Variants in JPT1 observed in about 807,000 individuals in gnomAD.
JPT1 encodes Jupiter microtubule associated homolog 1, also known as androgen-regulated protein 2.
In JPT1, 5 loss-of-function variants were observed where a neutral mutation model predicts 17.0. That is an observed-to-expected ratio of 0.29 (90% CI 0.15 to 0.62). The LOEUF (loss-of-function observed/expected upper bound fraction) is 0.62, where lower values mean the gene tolerates loss of function less well. Among genes scored for constraint, JPT1 ranks in the 20% least tolerant of loss-of-function variants. The pLI, the probability that JPT1 is intolerant of heterozygous loss-of-function variation, is 0.85. For synonymous variants in JPT1, 71 were observed against 73.6 expected, an observed-to-expected ratio of 0.96 and a Z score of 0.18; for missense variants, 158 against 188.1, an observed-to-expected ratio of 0.84 and a Z score of 0.94.
chr17:75,148,783 CT>C, intron 1 of JPT1, 112 bp from the exon 2 acceptor site: 1 of 1,232,312 alleles, frequency 8.1e-7, no homozygotes, highest in Non-Finnish European at 1.1e-6. Context: ...TCCCTCACCC[CT>C]ACAACAGATA....
In JPT1 at chr17:75,135,713, T is replaced by A; in HGVS notation, c.*389A>T. 2 of 246,592 alleles carry A rather than the reference T, an allele frequency of 8.1e-6. No homozygotes were observed. Among genetic ancestry groups the A allele is most frequent in the South Asian group, 2.5e-4 (2 of 7,948 alleles). The allele number at this position is 246,592 out of a possible 1,614,324, so 15.3% of individuals were successfully genotyped here. On this transcript the variant is annotated 3_prime_UTR_variant, in exon 5 of 5. Transcript: ENST00000409753. Reference sequence around the variant, plus strand: ...GCTCTGCGGAGAGACTCCCTGTGGGTTGGGGCCTGGCAGGAACGGTGCCTG... The same window carrying A: ...GCTCTGCGGAGAGACTCCCTGTGGGATGGGGCCTGGCAGGAACGGTGCCTG...
Position 75,136,190 on chromosome 17 carries a change from G to A in JPT1, c.377C>T (p.Ala126Val), listed in dbSNP as rs753254509. Residue 126 changes from alanine (A) to valine (V), a missense_variant, in exon 5 of 5, where the codon GCT becomes GTT. Ala to Val is a moderately conservative substitution (Grantham distance 64). Coordinates refer to ENST00000409753, the MANE Select transcript of JPT1 (RefSeq NM_016185.4). ...LGQSEEKPVP[A>V]APVPSPVAPA... Reference sequence around the variant, plus strand: ...GGCCACCGGGCTGGGCACAGGCGCAGCAGGCACGGGCTTCTCTTCACTCTG... The same window carrying A: ...GGCCACCGGGCTGGGCACAGGCGCAACAGGCACGGGCTTCTCTTCACTCTG... 49 of 1,613,626 alleles carry A rather than the reference G, an allele frequency of 3.0e-5. No homozygotes were observed. Among genetic ancestry groups the A allele is most frequent in the Non-Finnish European group, 4.1e-5 (48 of 1,179,780 alleles).
Position 75,136,008 on chromosome 17 carries a change from A to G in JPT1, c.*94T>C. 6 of 1,609,118 alleles carry G rather than the reference A, an allele frequency of 3.7e-6. No homozygotes were observed. The highest frequency in any genetic ancestry group is 5.1e-6 in the Non-Finnish European group (6 of 1,177,534). Reference sequence around the variant, plus strand: ...GTACATAAAGTGCTTCTTTTTAATGAAACAAATCCAAGAGATGTACAGTCA... The same window carrying G: ...GTACATAAAGTGCTTCTTTTTAATGGAACAAATCCAAGAGATGTACAGTCA... On this transcript the variant is annotated 3_prime_UTR_variant, in exon 5 of 5. Coordinates refer to ENST00000409753, the MANE Select transcript of JPT1 (RefSeq NM_016185.4).
intron 2 of JPT1, among the ~76,000 whole-genome samples, chr17:75,148,254 G>C (rs1192846976): frequency 1.3e-5 from 2 of 152,016 alleles, no homozygotes; most frequent in Non-Finnish European, 2.9e-5. Context: ...TTTTTCTTTT[G>C]TTTGTTTTTG....
At chr17:75,140,054 A>AT (rs2145164295) in intron 4 of JPT1, among the ~76,000 whole-genome samples, 1 of 152,128 alleles carries the variant, frequency 6.6e-6, no homozygotes, top group African/African-American at 2.4e-5. Context: ...AGTAGCTGGG[A>AT]TTACAGGCGC....
intron 1 of JPT1, among the ~76,000 whole-genome samples, chr17:75,149,508 CA>C (rs1381936231): frequency 6.6e-6 from 1 of 152,116 alleles, no homozygotes; most frequent in Non-Finnish European, 1.5e-5. Flanking sequence ...GCTGGGACTA[CA>C]GGCGCCCGCC....
At chr17:75,140,260 G>C (rs2074282784) in intron 4 of JPT1, among the ~76,000 whole-genome samples, 3 of 150,942 alleles carry the variant, frequency 2.0e-5, no homozygotes, top group Admixed American at 2.0e-4. Flanking sequence ...GAAAGCTTTT[G>C]TCTGCTGAAG....
At chr17:75,150,518 C>T (rs977295835) in intron 1 of JPT1, among the ~76,000 whole-genome samples, 3 of 152,098 alleles carry the variant, frequency 2.0e-5, no homozygotes, top group African/African-American at 4.8e-5. Flanking sequence ...TCCCAAAGTG[C>T]TGGGATTACA....
intron 1 of JPT1, among the ~76,000 whole-genome samples, chr17:75,151,799 G>C (rs983756895): frequency 6.6e-6 from 1 of 151,692 alleles, no homozygotes; most frequent in South Asian, 2.1e-4. Flanking sequence ...GAGAAAACCC[G>C]TCTCTACTAA....
intron 2 of JPT1, chr17:75,147,998 T>A (rs2074474208): frequency 4.1e-6 from 1 of 246,780 alleles, no homozygotes; most frequent in Admixed American, 4.9e-5. Context: ...AGAATGAGAC[T>A]CTTATCTCAA....
chr17:75,146,715 TC>T, intron 3 of JPT1, 31 bp from the exon 4 acceptor site: 1 of 1,412,872 alleles, frequency 7.1e-7, no homozygotes, highest in East Asian at 2.5e-5. Flanking sequence ...AAAATTTACT[TC>T]CTATTTTAAT....
At chr17:75,142,728 G>C (rs1435656919) in intron 4 of JPT1, 7 of 454,944 alleles carry the variant, frequency 1.5e-5, no homozygotes, top group Non-Finnish European at 2.2e-5. Context: ...AAGAAGGAAG[G>C]AAGCAAGAAG....
chr17:75,142,348 T>C (rs2074330240), intron 4 of JPT1, among the ~76,000 whole-genome samples: 1 of 150,944 alleles, frequency 6.6e-6, no homozygotes, highest in Admixed American at 6.6e-5. Flanking sequence ...TCACCTGAGG[T>C]CAGGAGTTCA....
intron 1 of JPT1, among the ~76,000 whole-genome samples, chr17:75,152,334 G>C (rs1165888537): frequency 2.6e-5 from 4 of 152,110 alleles, no homozygotes; most frequent in Admixed American, 2.0e-4. Flanking sequence ...TTAAAATCCT[G>C]AAGTTTCTGT....
intron 4 of JPT1, among the ~76,000 whole-genome samples, chr17:75,136,612 C>T (rs2074203334): frequency 6.6e-6 from 1 of 152,126 alleles, no homozygotes; most frequent in African/African-American, 2.4e-5. Flanking sequence ...CTGCCTCAGC[C>T]TCTCTAGTAG....
At position 75,136,159 on chromosome 17, in the gene JPT1, G is replaced by C. The variant is rs369478139; in HGVS notation, c.408C>G (p.Ala136=). 1 of 1,614,056 alleles carries C rather than the reference G, an allele frequency of 6.2e-7. No homozygotes were observed. The highest frequency in any genetic ancestry group is 1.3e-5 in the African/African-American group (1 of 74,930). Residue 136 remains alanine, a synonymous_variant, in exon 5 of 5, where the codon GCC becomes GCG. Transcript: ENST00000409753. Reference sequence around the variant, plus strand: ...GGGGATTTCTTCTGGATGGCACTGGGGCCGGGGCCACCGGGCTGGGCACAG... The same window carrying C: ...GGGGATTTCTTCTGGATGGCACTGGCGCCGGGGCCACCGGGCTGGGCACAG... ...AAPVPSPVAP[A]PVPSRRNPPG... is the part of the protein sequence containing the mutation.
At chr17:75,142,425 T>C (rs1452136175) in intron 4 of JPT1, among the ~76,000 whole-genome samples, 2 of 150,154 alleles carry the variant, frequency 1.3e-5, no homozygotes, top group East Asian at 2.0e-4. Context: ...CCGGGCGTGG[T>C]GGCAGCCCTT....
rs146770658 is a variant in JPT1, at chr17:75,143,286, G to A, written c.316+3380C>T. On this transcript the variant is annotated intron_variant, in intron 4 of 4. Transcript: ENST00000409753. ...CATAAAAAACCAAAAGGGGCCAGGTGTAGCGGCTCATGCCTGTAATCCCAG... is the reference window on the plus strand; with the variant it reads ...CATAAAAAACCAAAAGGGGCCAGGTATAGCGGCTCATGCCTGTAATCCCAG... Among the ~76,000 whole-genome samples, 82 of 152,316 alleles carry A rather than the reference G, an allele frequency of 5.4e-4. 1 individual carries two copies. Among genetic ancestry groups the A allele is most frequent in the African/African-American group, 1.9e-3 (81 of 41,566 alleles).
chr17:75,141,003 T>C (rs1253784862), intron 4 of JPT1: 2 of 152,276 alleles, frequency 1.3e-5, no homozygotes, highest in Non-Finnish European at 2.9e-5. Flanking sequence ...GGCAGGAGAA[T>C]TGCTTGAATC....
Sources: allele counts gnomAD v4.1 joint callset (sites outside exome capture counted in the v4.1 genomes callset), GRCh38; gene constraint gnomAD v4.1.1; transcripts MANE v1.5; gene names NCBI Gene and HGNC (gene_info 2026-07-23, HGNC 2026-07-21).